The following PEAK1 variants were observed in gnomAD, a reference collection of about 807,000 sequenced individuals.
PEAK1 encodes inactive tyrosine-protein kinase PEAK1.
A neutral mutation model predicts 124.7 loss-of-function variants in PEAK1; 54 were observed. The ratio of observed to expected loss-of-function variants is 0.43; its 90% CI spans 0.35 to 0.54. PEAK1 has a LOEUF of 0.54. PEAK1 is among the 20% of genes least tolerant of loss of function. The pLI, the probability that PEAK1 is intolerant of heterozygous loss-of-function variation, is 0.01. For synonymous variants in PEAK1, 719 were observed against 760.0 expected, an observed-to-expected ratio of 0.95 and a Z score of 0.89; for missense variants, 2,046 against 2,134.5, an observed-to-expected ratio of 0.96 and a Z score of 0.82.
chr15:77,307,047 C>T (rs546086227), intron 2 of PEAK1, among the ~76,000 whole-genome samples: 138 of 152,202 alleles, frequency 9.1e-4, no homozygotes, highest in African/African-American at 3.2e-3. Flanking sequence ...CTTCATATTT[C>T]CTCAATCACT....
At chr15:77,396,137 C>T (rs887954722) in intron 1 of PEAK1, among the ~76,000 whole-genome samples, 5 of 151,888 alleles carry the variant, frequency 3.3e-5, no homozygotes, top group Admixed American at 6.6e-5. Flanking sequence ...AGTGTTATCA[C>T]CAATTTAAAA....
At chr15:77,280,554 A>G (rs1041157076) in intron 5 of PEAK1, among the ~76,000 whole-genome samples, 4 of 143,682 alleles carry the variant, frequency 2.8e-5, no homozygotes, top group Non-Finnish European at 1.5e-5. Context: ...GGGGATAATC[A>G]AATGATTTCC....
intron 7 of PEAK1, among the ~76,000 whole-genome samples, chr15:77,167,735 A>AT (rs2056207243): frequency 6.6e-6 from 1 of 151,972 alleles, no homozygotes; most frequent in African/African-American, 2.4e-5. Context: ...GGTAATGCAA[A>AT]TTTTTTTTCT....
intron 2 of PEAK1, among the ~76,000 whole-genome samples, chr15:77,325,407 C>CAATAAATAAATA (rs140910763): frequency 7.4e-4 from 107 of 144,230 alleles, no homozygotes; most frequent in African/African-American, 1.9e-3. Flanking sequence ...GATCCCATCT[C>CAATAAATAAATA]AATAAATAAA....
intron 5 of PEAK1, among the ~76,000 whole-genome samples, chr15:77,254,866 C>T (rs2061053641): frequency 6.6e-6 from 1 of 152,232 alleles, no homozygotes; most frequent in Middle Eastern, 3.4e-3. Context: ...ACAGAGTTTA[C>T]GTTTACCTTC....
intron 5 of PEAK1, among the ~76,000 whole-genome samples, chr15:77,268,016 C>CTCCAGTGTAATAGATAGCATTTA (rs1300826615): frequency 2.0e-5 from 3 of 152,000 alleles, no homozygotes; most frequent in Non-Finnish European, 2.9e-5. Context: ...TAAATAAAAA[C>CTCCAGTGTAATAGATAGCATTTA]TAATCACAAC....
intron 6 of PEAK1, among the ~76,000 whole-genome samples, chr15:77,243,455 C>T (rs1182007904): frequency 6.6e-6 from 1 of 152,152 alleles, no homozygotes; most frequent in Non-Finnish European, 1.5e-5. Context: ...CAGGAAAAAG[C>T]CTAATTTATT....
intron 2 of PEAK1, among the ~76,000 whole-genome samples, chr15:77,311,292 G>A (rs543250552): frequency 6.6e-6 from 1 of 152,162 alleles, no homozygotes; most frequent in Admixed American, 6.6e-5. Flanking sequence ...TGAATGACCA[G>A]CTCTAAGTCT....
Position 77,181,053 on chromosome 15 carries a change from T to G in PEAK1, c.874A>C (p.Asn292His). 1 of 1,614,194 alleles carries G rather than the reference T, an allele frequency of 6.2e-7. No individual in the cohort carries two copies. The highest frequency in any genetic ancestry group is 1.6e-4 in the Middle Eastern group (1 of 6,062). ...PVRFFVDKKW[N>H]TIPLRNKSLQ... ...GACTTGTTTCGCAGGGGGATGGTAT[T>G]CCATTTTTTGTCCACAAAGAATCGA... The change falls in exon 7 of 10, where the codon AAT becomes CAT. Residue 292 changes from asparagine to histidine, a missense_variant. Asn to His is a moderately conservative substitution (Grantham distance 68, BLOSUM62 1). Coordinates refer to ENST00000682557, the MANE Select transcript of PEAK1 (RefSeq NM_001385026.1).
chr15:77,200,194 T>C (rs937218347), intron 6 of PEAK1, among the ~76,000 whole-genome samples: 2 of 152,222 alleles, frequency 1.3e-5, no homozygotes, highest in African/African-American at 4.8e-5. Flanking sequence ...ATGATCCACT[T>C]TCACTTAGTC....
chr15:77,404,612 G>A, intron 1 of PEAK1: 1 of 922,134 alleles, frequency 1.1e-6, no homozygotes, highest in Non-Finnish European at 1.3e-6. Context: ...TATTTCTATT[G>A]GACAGCACTG....
chr15:77,258,303 T>C (rs550352028), intron 5 of PEAK1, among the ~76,000 whole-genome samples: 19 of 152,286 alleles, frequency 1.2e-4, no homozygotes, highest in African/African-American at 4.6e-4. Flanking sequence ...ATTGAATCTA[T>C]AAATTACCTT....
intron 5 of PEAK1, among the ~76,000 whole-genome samples, chr15:77,256,676 G>A (rs1176874989): frequency 6.7e-6 from 1 of 149,212 alleles, no homozygotes; most frequent in Admixed American, 6.7e-5. Flanking sequence ...AATTTTATCA[G>A]AACATAGCCA....
At chr15:77,347,844 T>C (rs759598353) in intron 2 of PEAK1, 7 of 984,750 alleles carry the variant, frequency 7.1e-6, no homozygotes, top group East Asian at 1.1e-4. Context: ...TTCAAAAGCA[T>C]CTACAACATT....
At chr15:77,378,352 G>A (rs534461506) in intron 1 of PEAK1, among the ~76,000 whole-genome samples, 64 of 151,934 alleles carry the variant, frequency 4.2e-4, no homozygotes, top group Non-Finnish European at 7.1e-4. Flanking sequence ...TGACATACAT[G>A]GGCAGTGGAA....
intron 8 of PEAK1, among the ~76,000 whole-genome samples, chr15:77,140,796 A>G (rs1430852768): frequency 6.7e-6 from 1 of 150,000 alleles, no homozygotes; most frequent in Middle Eastern, 3.2e-3. Context: ...GTGCAGTGGC[A>G]CAATCTCGGC....
intron 2 of PEAK1, among the ~76,000 whole-genome samples, chr15:77,326,697 A>G (rs1378805893): frequency 6.6e-6 from 1 of 152,160 alleles, no homozygotes; most frequent in African/African-American, 2.4e-5. Context: ...AGATGTTAAG[A>G]TGTTTCTGAA....
chr15:77,408,157 A>ACACACG (rs1427296526), intron 1 of PEAK1, among the ~76,000 whole-genome samples: 1 of 70,470 alleles, frequency 1.4e-5, no homozygotes, highest in African/African-American at 4.5e-5. Flanking sequence ...ATATACATAC[A>ACACACG]CACACACACA....
intron 2 of PEAK1, among the ~76,000 whole-genome samples, chr15:77,312,455 A>G (rs552681206): frequency 6.6e-6 from 1 of 152,352 alleles, no homozygotes; most frequent in East Asian, 1.9e-4. Flanking sequence ...ATAAATAAAC[A>G]AATAACAATT....
Sources: allele counts gnomAD v4.1 joint callset (sites outside exome capture counted in the v4.1 genomes callset), GRCh38; gene constraint gnomAD v4.1.1; transcripts MANE v1.5; gene names NCBI Gene and HGNC (gene_info 2026-07-23, HGNC 2026-07-21).